The following TUBA1A variants were observed in gnomAD, a reference collection of about 807,000 sequenced individuals.
TUBA1A encodes the protein tubulin alpha 1a.
In TUBA1A, 7 loss-of-function variants were observed where a neutral mutation model predicts 34.6. That is an observed-to-expected ratio of 0.20 (90% CI 0.11 to 0.38). The LOEUF is 0.38. TUBA1A is among the 10% of genes least tolerant of loss of function. The probability of loss-of-function intolerance (pLI) is 1.00; values close to 1 mark genes in which losing one functional copy is unlikely to be tolerated. For synonymous variants in TUBA1A, 193 were observed against 210.2 expected (o/e 0.92, Z 0.71); for missense variants, 19 against 581.3 (o/e 0.03, Z 9.95).
chr12:49,187,380 G>C (rs559236052), intron 1 of TUBA1A: 1 of 1,020,524 alleles, frequency 9.8e-7, no homozygotes, highest in East Asian at 9.3e-5. Context: ...TGCTGTGCCT[G>C]GTGCTAGCCT....
At chr12:49,187,558 C>A (rs549245662) in intron 1 of TUBA1A, 2 of 984,680 alleles carry the variant, frequency 2.0e-6, no homozygotes, top group African/African-American at 1.8e-5. Context: ...CAACGGGATG[C>A]GGAGTATAAT....
rs1251889513 is a variant in TUBA1A, at chr12:49,188,155, A to C, written c.3+822T>G. The C allele has an allele frequency of 4.1e-6, 4 of 985,128 alleles. No individual in the cohort carries two copies. The highest frequency in any genetic ancestry group is 1.2e-4 in the Admixed American group (2 of 16,248). The allele number at this position is 985,128 out of a possible 1,614,324, so 61.0% of individuals were successfully genotyped here. A position where few individuals can be genotyped will look rare whatever the true frequency, so the allele number is the denominator to read the frequency against. Reference sequence around the variant, plus strand: ...AGGGCGTCCCCAGACCAGACATTAAAGAGCTTGTGAAGTGAATTATGATTT... The same window carrying C: ...AGGGCGTCCCCAGACCAGACATTAACGAGCTTGTGAAGTGAATTATGATTT... On this transcript the variant is annotated intron_variant, in intron 1 of 3. Transcript: ENST00000301071. The surrounding 1 kb of genome is among the most constrained non-coding windows in gnomAD (Gnocchi z 4.9).
Position 49,188,323 on chromosome 12 carries a change from C to G in TUBA1A, c.3+654G>C. On this transcript the variant is annotated intron_variant, in intron 1 of 3. Transcript: ENST00000301071. The surrounding 1 kb of genome is among the most constrained non-coding windows in gnomAD (Gnocchi z 4.9). The stretch of plus-strand genomic sequence containing the variant: ...AGAGGTTCAGTGAGGGCGAACCCCG[C>G]CCAGTGGCTCCAACGCCATAGAAGC... 3 of 1,517,500 alleles carry G rather than the reference C, an allele frequency of 2.0e-6. No homozygotes were observed. The South Asian group carries it at 3.6e-5, about 18-fold the overall frequency. 94.0% of individuals were successfully genotyped at this position (1,517,500 alleles called of 1,614,324 possible).
In TUBA1A at chr12:49,186,952, C is replaced by A; in HGVS notation, c.4-119G>T. On this transcript the variant is annotated intron_variant, in intron 1 of 3. Transcript: ENST00000301071. This position sits in a 1 kb window ranked among gnomAD's most constrained non-coding sequence, Gnocchi z 6.6. ...GATATTTTTCTAAATTATTTGAGGTCATATCCCCAGCACGATACAAAGATT... is the reference window on the plus strand; with the variant it reads ...GATATTTTTCTAAATTATTTGAGGTAATATCCCCAGCACGATACAAAGATT... 6.6e-7 allele frequency: 1 copy of A among 1,518,930 alleles called. No individual in the cohort carries two copies. The highest frequency in any genetic ancestry group is 1.2e-5 in the South Asian group (1 of 81,122). 94.1% of individuals were successfully genotyped at this position (1,518,930 alleles called of 1,614,324 possible). A position where few individuals can be genotyped will look rare whatever the true frequency, so the allele number is the denominator to read the frequency against.
intron 1 of TUBA1A, chr12:49,187,138 T>C (rs1185641149): frequency 8.0e-7 from 1 of 1,253,034 alleles, no homozygotes; most frequent in East Asian, 3.9e-5. Flanking sequence ...AAAGCACAAA[T>C]TTTGTAAAAT....
Position 49,186,502 on chromosome 12 carries a change from G to A in TUBA1A, c.227-44C>T, listed in dbSNP as rs1423448987. ...GAGGAGCAGGGGGGAGGAGGAGGAG[G>A]GACGAGGAGCGGGGAGGGAGAGTGG... On this transcript the variant is annotated intron_variant, in intron 2 of 3. Transcript: ENST00000301071. The surrounding 1 kb of genome is among the most constrained non-coding windows in gnomAD (Gnocchi z 6.6). 5.0e-6 allele frequency: 8 copies of A among 1,612,628 alleles called. No individual in the cohort carries two copies. The highest frequency in any genetic ancestry group is 3.3e-5 in the Admixed American group (2 of 59,954).
chr12:49,188,606 T>C lies in TUBA1A; in HGVS notation c.3+371A>G, dbSNP rs115188082. The C allele has an allele frequency of 7.6e-3, 11,054 of 1,445,338 alleles. 271 individuals are homozygous for C. The African/African-American group carries it at 0.083, about 11-fold the overall frequency. 89.5% of individuals were successfully genotyped at this position (1,445,338 alleles called of 1,614,324 possible). On this transcript the variant is annotated intron_variant, in intron 1 of 3. Coordinates refer to ENST00000301071, the MANE Select transcript of TUBA1A (RefSeq NM_006009.4). This position sits in a 1 kb window ranked among gnomAD's most constrained non-coding sequence, Gnocchi z 4.9. ...CCAGAGAACAACGCGAGACAGAAAG[T>C]GGCCCCTCAGCATCAGCGAAACCGT...
intron 1 of TUBA1A, chr12:49,187,288 C>A: frequency 9.3e-7 from 1 of 1,075,260 alleles, no homozygotes; most frequent in Non-Finnish European, 1.1e-6. Context: ...GAAGCCACAC[C>A]CTTCTGCAGT....
At chr12:49,187,965 T>TG in intron 1 of TUBA1A, 15 of 984,306 alleles carry the variant, frequency 1.5e-5, no homozygotes, top group Non-Finnish European at 1.8e-5. Context: ...CAGGGTACCC[T>TG]GGGGCTCACA....
chr12:49,188,768 C>A lies in TUBA1A; in HGVS notation c.3+209G>T, dbSNP rs1942215631. 6.5e-7 allele frequency: 1 copy of A among 1,528,414 alleles called. No homozygotes were observed. 94.7% of individuals were successfully genotyped at this position (1,528,414 alleles called of 1,614,324 possible). ...TTTGTTCCTCCCCAGCGCTCTGCTG[C>A]GCCCTGGGCGCAGTACTGGCCCGGT... On this transcript the variant is annotated intron_variant, in intron 1 of 3. Transcript: ENST00000301071. This position sits in a 1 kb window ranked among gnomAD's most constrained non-coding sequence, Gnocchi z 4.9.
chr12:49,188,023 G>GACACACACACACACACACAC lies in TUBA1A; in HGVS notation c.3+934_3+953dup, dbSNP rs58704368. ...AACGTGCAGTCCAGACAGACAGACA[G>GACACACACACACACACACAC]ACACACACACACACACACACACACT... On this transcript the variant is annotated intron_variant, in intron 1 of 3. Coordinates refer to ENST00000301071, the MANE Select transcript of TUBA1A (RefSeq NM_006009.4). The surrounding 1 kb of genome is among the most constrained non-coding windows in gnomAD (Gnocchi z 4.9). 2.2e-5 allele frequency: 15 copies of GACACACACACACACACACAC among 683,410 alleles called. No homozygotes were observed. The African/African-American group carries it at 3.5e-4, about 16-fold the overall frequency. The allele number at this position is 683,410 out of a possible 1,614,324, so 42.3% of individuals were successfully genotyped here.
Position 49,184,885 on chromosome 12 carries a change from G to C in TUBA1A, c.*125C>G, listed in dbSNP as rs1474238571. On this transcript the variant is annotated 3_prime_UTR_variant, in exon 4 of 4. Coordinates refer to ENST00000301071, the MANE Select transcript of TUBA1A (RefSeq NM_006009.4). ...CAAAGCATTCATGTTTTAGAGCATA[G>C]GTCAGTAATTGTATATGAGAGCATA... 4 of 1,487,896 alleles carry C rather than the reference G, an allele frequency of 2.7e-6. No homozygotes were observed. Among genetic ancestry groups the C allele is most frequent in the Non-Finnish European group, 3.7e-6 (4 of 1,068,954 alleles). 92.2% of individuals were successfully genotyped at this position (1,487,896 alleles called of 1,614,324 possible). A position where few individuals can be genotyped will look rare whatever the true frequency, so the allele number is the denominator to read the frequency against.
At position 49,188,324 on chromosome 12, in the gene TUBA1A, C is replaced by G. The variant is rs757207649; in HGVS notation, c.3+653G>C. On this transcript the variant is annotated intron_variant, in intron 1 of 3. Coordinates refer to ENST00000301071, the MANE Select transcript of TUBA1A (RefSeq NM_006009.4). This position sits in a 1 kb window ranked among gnomAD's most constrained non-coding sequence, Gnocchi z 4.9. ...GAGGTTCAGTGAGGGCGAACCCCGCCCAGTGGCTCCAACGCCATAGAAGCC... is the reference window on the plus strand; with the variant it reads ...GAGGTTCAGTGAGGGCGAACCCCGCGCAGTGGCTCCAACGCCATAGAAGCC... The G allele has an allele frequency of 1.3e-5, 19 of 1,518,104 alleles. No homozygotes were observed. Among genetic ancestry groups the G allele is most frequent in the Non-Finnish European group, 1.5e-5 (17 of 1,134,656 alleles). The allele number at this position is 1,518,104 out of a possible 1,614,324, so 94.0% of individuals were successfully genotyped here.
chr12:49,185,667 T>C lies in TUBA1A; in HGVS notation c.699A>G (p.Gln233=). The C allele has an allele frequency of 1.9e-6, 3 of 1,613,986 alleles. No homozygotes were observed. Among genetic ancestry groups the C allele is most frequent in the Non-Finnish European group, 1.7e-6 (2 of 1,179,944 alleles). The change falls in exon 4 of 4, where the codon CAA becomes CAG. Residue 233 remains glutamine (Q), a synonymous_variant. Transcript: ENST00000301071. ...TYTNLNRLIG[Q]IVSSITASLR... ...GGGAAGCAGTGATGGAGGACACAAT[T>C]TGACCTATTAACCTATTCAGGTTAG...
rs1289154834 is a variant in TUBA1A, at chr12:49,188,025, C to A, written c.3+952G>T. The A allele has an allele frequency of 1.6e-6, 1 of 626,904 alleles. No individual in the cohort carries two copies. The highest frequency in any genetic ancestry group is 6.6e-5 in the Admixed American group (1 of 15,206). The allele number at this position is 626,904 out of a possible 1,614,324, so 38.8% of individuals were successfully genotyped here. On this transcript the variant is annotated intron_variant, in intron 1 of 3. Transcript: ENST00000301071. The surrounding 1 kb of genome is among the most constrained non-coding windows in gnomAD (Gnocchi z 4.9). ...CGTGCAGTCCAGACAGACAGACAGACACACACACACACACACACACACTTC... is the reference window on the plus strand; with the variant it reads ...CGTGCAGTCCAGACAGACAGACAGAAACACACACACACACACACACACTTC...
At position 49,189,017 on chromosome 12, in the gene TUBA1A, C is replaced by G. The variant is rs980457598; in HGVS notation, c.-38G>C. 1.2e-6 allele frequency: 2 copies of G among 1,613,862 alleles called. No homozygotes were observed. Among genetic ancestry groups the G allele is most frequent in the East Asian group, 2.2e-5 (1 of 44,900 alleles). On this transcript the variant is annotated 5_prime_UTR_variant, in exon 1 of 4. Transcript: ENST00000301071. ...GCGACTGCCGAGCTGATGGCGGAGA[C>G]GAAGAGGAGAGGTTGTTGCTTCTTA...
At chr12:49,187,791 C>T in intron 1 of TUBA1A, 2 of 984,194 alleles carry the variant, frequency 2.0e-6, no homozygotes, top group Non-Finnish European at 2.4e-6. Context: ...GTATTTTCAT[C>T]CTGAGATTCT....
chr12:49,188,320 C>T lies in TUBA1A; in HGVS notation c.3+657G>A. ...AGAAGAGGTTCAGTGAGGGCGAACC[C>T]CGCCCAGTGGCTCCAACGCCATAGA... On this transcript the variant is annotated intron_variant, in intron 1 of 3. Coordinates refer to ENST00000301071, the MANE Select transcript of TUBA1A (RefSeq NM_006009.4). This position sits in a 1 kb window ranked among gnomAD's most constrained non-coding sequence, Gnocchi z 4.9. The T allele has an allele frequency of 1.3e-6, 2 of 1,514,792 alleles. No homozygotes were observed. Among genetic ancestry groups the T allele is most frequent in the Admixed American group, 2.0e-5 (1 of 49,054 alleles). The allele number at this position is 1,514,792 out of a possible 1,614,324, so 93.8% of individuals were successfully genotyped here.
At chr12:49,187,508 G>A (rs1942195245) in intron 1 of TUBA1A, 2 of 985,672 alleles carry the variant, frequency 2.0e-6, no homozygotes, top group Non-Finnish European at 2.4e-6. Flanking sequence ...CCATGTGCCT[G>A]AATTGAAATG....
Sources: allele counts gnomAD v4.1 joint callset, GRCh38; gene constraint gnomAD v4.1.1; non-coding constraint Gnocchi (gnomAD v3.1); transcripts MANE v1.5; gene names NCBI Gene and HGNC (gene_info 2026-07-23, HGNC 2026-07-21).